SYNE2: variants seen among roughly 807,000 people sequenced by gnomAD.
The protein encoded by SYNE2 is nesprin-2.
In SYNE2, 431 loss-of-function variants were observed where a neutral mutation model predicts 856.3. The observed-to-expected ratio is 0.50, with a 90% confidence interval of 0.47 to 0.55. SYNE2 has a LOEUF of 0.55. Among genes scored for constraint, SYNE2 ranks in the 20% least tolerant of loss-of-function variants. The probability of loss-of-function intolerance (pLI) is 0.00; values close to 1 mark genes in which losing one functional copy is unlikely to be tolerated. For synonymous variants in SYNE2, 2,923 were observed against 2,872.3 expected, an observed-to-expected ratio of 1.02 and a Z score of -0.56; for missense variants, 8,129 against 8,023.2, an observed-to-expected ratio of 1.01 and a Z score of -0.50.
chr14:64,024,333 T>G lies in SYNE2; in HGVS notation c.5714T>G (p.Leu1905Arg). Residue 1905 changes from leucine (L) to arginine (R), a missense_variant, in exon 39 of 116, where the codon CTG becomes CGG. Physicochemically the swap from Leu to Arg is moderately radical, Grantham distance 102. This residue lies in a region of SYNE2 where 2,422 missense variants were observed against 2,357.4 expected (regional missense o/e 1.03). Transcript: ENST00000555002. ...GTACTGAAGCATGTGAAGAAGCATC[T>G]GCCCAAAGCACATGTGAAGGAGCTT... ...DSVLKHVKKHLPKAHVKELIS... is the reference protein window; with the variant it reads ...DSVLKHVKKHRPKAHVKELIS... 6.2e-7 allele frequency: 1 copy of G among 1,614,162 alleles called. No individual in the cohort carries two copies. Among genetic ancestry groups the G allele is most frequent in the Non-Finnish European group, 8.5e-7 (1 of 1,179,990 alleles).
At chr14:63,821,439 G>A (rs376536288) in intron 1 of SYNE2, among the ~76,000 whole-genome samples, 8 of 152,098 alleles carry the variant, frequency 5.3e-5, no homozygotes, top group African/African-American at 1.9e-4. Context: ...ATGTATTTGT[G>A]TAGAAGCACT....
In SYNE2 at chr14:64,084,878, C is replaced by T. The variant is rs1443773742; in HGVS notation, c.11485-2793C>T. 10 of 693,132 alleles carry T rather than the reference C, an allele frequency of 1.4e-5. 1 individual carries two copies. Among genetic ancestry groups the T allele is most frequent in the Non-Finnish European group, 1.8e-5 (7 of 380,326 alleles). The allele number at this position is 693,132 out of a possible 1,614,324, so 42.9% of individuals were successfully genotyped here. A position where few individuals can be genotyped will look rare whatever the true frequency, so the allele number is the denominator to read the frequency against. ...AAGGCTGCAGGCTCATCTGAAGGCT[C>T]GACTTGTGTGAGGGAGGAGGTGGGA... On this transcript the variant is annotated intron_variant, in intron 57 of 115. Coordinates refer to ENST00000555002, the MANE Select transcript of SYNE2 (RefSeq NM_182914.3).
chr14:63,906,927 A>G (rs1362583028), intron 1 of SYNE2, among the ~76,000 whole-genome samples: 2 of 152,312 alleles, frequency 1.3e-5, no homozygotes, highest in East Asian at 3.9e-4. Flanking sequence ...CTATCCTCAC[A>G]TGGTAGAACG....
chr14:63,970,009 C>T (rs2096453668), intron 11 of SYNE2, among the ~76,000 whole-genome samples: 1 of 152,132 alleles, frequency 6.6e-6, no homozygotes, highest in Non-Finnish European at 1.5e-5. Context: ...TACTGTTTTT[C>T]TTGACATCTA....
intron 55 of SYNE2, among the ~76,000 whole-genome samples, chr14:64,079,169 A>G (rs2097497841): frequency 6.6e-6 from 1 of 152,220 alleles, no homozygotes; most frequent in South Asian, 2.1e-4. Flanking sequence ...GAAAGTAAGG[A>G]TCTTATCTTG....
intron 96 of SYNE2, among the ~76,000 whole-genome samples, chr14:64,184,081 A>T (rs976401348): frequency 3.9e-5 from 6 of 152,152 alleles, no homozygotes; most frequent in Admixed American, 3.9e-4. Flanking sequence ...CTTCCACAAG[A>T]GACCTCATTC....
In SYNE2 at chr14:64,098,826, G is replaced by A. The variant is rs771680833; in HGVS notation, c.12381+5G>A. ...GAAAGTTCCGTGAAGAGCGATGTAA[G>A]GGAAATGATTTTCTTGTTAAAGTTT... On this transcript the variant is annotated splice_donor_5th_base_variant and intron_variant, in intron 63 of 115. Coordinates refer to ENST00000555002, the MANE Select transcript of SYNE2 (RefSeq NM_182914.3). 5.6e-6 allele frequency: 9 copies of A among 1,613,748 alleles called. No homozygotes were observed. The highest frequency in any genetic ancestry group is 1.7e-5 in the Admixed American group (1 of 59,986).
chr14:64,063,137 G>A (rs1454171764), intron 50 of SYNE2, among the ~76,000 whole-genome samples: 5 of 152,102 alleles, frequency 3.3e-5, no homozygotes, highest in Admixed American at 6.5e-5. Context: ...TCTACCTCCC[G>A]GCTTCAAGTG....
rs751178095 is a variant in SYNE2 at position 64,208,746 on chromosome 14, T to C, written c.18202-12T>C. The C allele has an allele frequency of 2.5e-6, 4 of 1,614,192 alleles. No individual in the cohort carries two copies. Among genetic ancestry groups the C allele is most frequent in the Admixed American group, 1.7e-5 (1 of 60,030 alleles). ...ACATCTCAAGAGGTTTCTTACTCTG[T>C]TGTAATCACAGGATCTACAGCGAGA... On this transcript the variant is annotated splice_polypyrimidine_tract_variant and intron_variant, in intron 100 of 115. Coordinates refer to ENST00000555002, the MANE Select transcript of SYNE2 (RefSeq NM_182914.3).
intron 12 of SYNE2, among the ~76,000 whole-genome samples, chr14:63,977,046 G>T (rs1420891054): frequency 7.3e-5 from 11 of 151,668 alleles, no homozygotes; most frequent in Non-Finnish European, 1.5e-4. Context: ...AAATTTGAGG[G>T]TCTGGGTTCT....
chr14:64,023,004 G>A (rs889998514), intron 38 of SYNE2, 141 bp downstream of exon 38: 6 of 637,980 alleles, frequency 9.4e-6, no homozygotes, highest in South Asian at 5.9e-5. Context: ...TGAGGCTGGT[G>A]GATCACTTGA....
At chr14:63,884,978 A>G (rs1444605483) in intron 1 of SYNE2, among the ~76,000 whole-genome samples, 2 of 152,130 alleles carry the variant, frequency 1.3e-5, no homozygotes, top group South Asian at 2.1e-4. Flanking sequence ...AGCCAGAGCA[A>G]TAGTTTTCAG....
chr14:64,117,704 TGAG>T lies in SYNE2; in HGVS notation c.12841-1721_12841-1719del, dbSNP rs375161227. 1.7e-4 allele frequency among the ~76,000 whole-genome samples: 26 copies of T among 152,316 alleles called. 1 individual carries two copies. Among genetic ancestry groups the T allele is most frequent in the Middle Eastern group, 3.4e-3 (1 of 294 alleles). On this transcript the variant is annotated intron_variant, in intron 66 of 115. Transcript: ENST00000555002. Reference sequence around the variant, plus strand: ...CAGAGTTCAACTGTGACCCATCACATGAGGTTGGGTGTGGAATTTTCCACTTCT... The same window carrying T: ...CAGAGTTCAACTGTGACCCATCACATGTTGGGTGTGGAATTTTCCACTTCT...
intron 84 of SYNE2, among the ~76,000 whole-genome samples, chr14:64,147,771 A>G (rs2098200358): frequency 6.6e-6 from 1 of 152,218 alleles, no homozygotes; most frequent in African/African-American, 2.4e-5. Context: ...CAGAAGCAAG[A>G]GTCCATTATT....
In SYNE2 at chr14:64,214,383, C is replaced by T; in HGVS notation, c.19246C>T (p.Pro6416Ser). The T allele has an allele frequency of 6.2e-7, 1 of 1,614,130 alleles. No individual in the cohort carries two copies. Among genetic ancestry groups the T allele is most frequent in the Non-Finnish European group, 8.5e-7 (1 of 1,180,020 alleles). Residue 6416 changes from proline to serine, a missense_variant, in exon 106 of 116, where the codon CCC (proline) becomes TCC (serine). Physicochemically the swap from Pro to Ser is moderately conservative, Grantham distance 74. Transcript: ENST00000555002. ...GACCCCTGTCAGCGTGGACTCCATC[C>T]CCCTGGAGTGGGACCACACAGGCGA... ...CETPVSVDSI[P>S]LEWDHTGDVG...
intron 1 of SYNE2, among the ~76,000 whole-genome samples, chr14:63,769,744 G>T (rs1260919557): frequency 2.1e-5 from 3 of 143,236 alleles, no homozygotes; most frequent in Non-Finnish European, 4.6e-5. Flanking sequence ...GAAAGAAAAA[G>T]AAAAATCAGC....
rs1233622581 is a variant in SYNE2, at chr14:64,224,487, C to T, written c.20409C>T (p.Phe6803=). The change falls in exon 114 of 116, where the codon TTC becomes TTT. Residue 6803 remains phenylalanine (F), a synonymous_variant. Transcript: ENST00000555002. ...ACCCAGCCTCACCCCTGCCCAGCTT[C>T]GACGAGGTAGACTCGGGGGACCAGC... is the stretch of plus-strand genomic sequence containing the variant. The part of the protein sequence containing the change: ...TQNPASPLPS[F]DEVDSGDQPP... 9.9e-6 allele frequency: 16 copies of T among 1,613,900 alleles called. No individual in the cohort carries two copies. Among genetic ancestry groups the T allele is most frequent in the Middle Eastern group, 1.7e-4 (1 of 6,028 alleles).
At chr14:63,896,940 T>C (rs946802887) in intron 1 of SYNE2, among the ~76,000 whole-genome samples, 3 of 152,162 alleles carry the variant, frequency 2.0e-5, no homozygotes, top group African/African-American at 7.2e-5. Context: ...TGTATATGTG[T>C]TCATGCGTGT....
At chr14:64,030,115 T>A in intron 44 of SYNE2, 56 bp downstream of exon 44, 1 of 1,521,420 alleles carries the variant, frequency 6.6e-7, no homozygotes, top group Non-Finnish European at 9.1e-7. Flanking sequence ...CAGTGTTAAT[T>A]ACAGTGTGAT....
Sources: gnomAD v4.1 joint callset for allele counts (sites outside exome capture counted in the v4.1 genomes callset) on GRCh38, gnomAD v4.1.1 for gene constraint, gnomAD v4.1.1 regional missense constraint, MANE v1.5 for transcripts, NCBI Gene and HGNC (gene_info 2026-07-23, HGNC 2026-07-21) for gene names.